The following GULP1 variants were observed in gnomAD, a reference collection of about 807,000 sequenced individuals.
GULP1 encodes the protein PTB domain-containing engulfment adapter protein 1.
Under a neutral mutation model 40.9 loss-of-function variants are expected in GULP1, and 19 were observed. The observed-to-expected ratio is 0.46, with a 90% CI of 0.32 to 0.68. The LOEUF (loss-of-function observed/expected upper bound fraction) is 0.68. Ranked by LOEUF, GULP1 falls within the 30% of genes least tolerant of loss-of-function variation. The pLI, the probability that GULP1 is intolerant of heterozygous loss-of-function variation, is 0.03. For synonymous variants in GULP1, 119 were observed against 117.6 expected, an observed-to-expected ratio of 1.01 and a Z score of -0.08; for missense variants, 312 against 362.2, an observed-to-expected ratio of 0.86 and a Z score of 1.12.
At chr2:188,528,315 A>G (rs1686694822) in intron 5 of GULP1, among the ~76,000 whole-genome samples, 1 of 152,124 alleles carries the variant, frequency 6.6e-6, no homozygotes, top group Non-Finnish European at 1.5e-5. Flanking sequence ...TTAATACTCA[A>G]GTTTAGCTGG....
intron 2 of GULP1, among the ~76,000 whole-genome samples, chr2:188,390,292 T>C (rs920130199): frequency 2.0e-5 from 3 of 152,198 alleles, no homozygotes; most frequent in East Asian, 1.9e-4. Context: ...TTATTGTCTT[T>C]TGACTTTTTA....
chr2:188,394,505 T>A (rs933550999), intron 2 of GULP1, among the ~76,000 whole-genome samples: 1 of 152,174 alleles, frequency 6.6e-6, no homozygotes, highest in Non-Finnish European at 1.5e-5. Context: ...TATCAACATT[T>A]TGAATTTTTT....
intron 1 of GULP1, among the ~76,000 whole-genome samples, chr2:188,332,315 G>A (rs1169675442): frequency 1.4e-5 from 2 of 147,248 alleles, no homozygotes; most frequent in South Asian, 2.2e-4. Context: ...TCAGCCTCCC[G>A]AGTAGCTGGG....
At chr2:188,466,232 T>C (rs574015972) in intron 2 of GULP1, among the ~76,000 whole-genome samples, 4 of 152,098 alleles carry the variant, frequency 2.6e-5, no homozygotes, top group Admixed American at 2.0e-4. Flanking sequence ...CATACTTCAT[T>C]TGGATACCAG....
intron 1 of GULP1, among the ~76,000 whole-genome samples, chr2:188,334,685 A>G (rs927061677): frequency 6.6e-6 from 1 of 152,250 alleles, no homozygotes; most frequent in Non-Finnish European, 1.5e-5. Context: ...CGACTATATC[A>G]AAATCCAAAT....
At chr2:188,459,685 G>A (rs2059547721) in intron 2 of GULP1, among the ~76,000 whole-genome samples, 1 of 152,082 alleles carries the variant, frequency 6.6e-6, no homozygotes, top group Admixed American at 6.6e-5. Flanking sequence ...TGGGTTGCCT[G>A]TACTTGTGGG....
chr2:188,420,876 A>G (rs1437541921), intron 2 of GULP1, among the ~76,000 whole-genome samples: 1 of 152,140 alleles, frequency 6.6e-6, no homozygotes, highest in Non-Finnish European at 1.5e-5. Context: ...CTCGGTTTTT[A>G]GGCTTTAGAT....
intron 2 of GULP1, among the ~76,000 whole-genome samples, chr2:188,412,278 A>G (rs2053994459): frequency 6.6e-6 from 1 of 152,078 alleles, no homozygotes; most frequent in Non-Finnish European, 1.5e-5. Context: ...TGAGAATAGC[A>G]AAAGGTTAAC....
At position 188,593,993 on chromosome 2, in the gene GULP1, G is replaced by A. The variant is rs759462867; in HGVS notation, c.897G>A (p.Pro299=). ...AAGGCACAGTATTTTGTCTCGACCC[G>A]TTAGACAGTAGGTGCTGACATCAAG... ...TLEGTVFCLD[P]LDSRC is the part of the protein sequence containing the mutation. Residue 299 remains proline (P), a synonymous_variant, in exon 12 of 12, where the codon CCG becomes CCA. Transcript: ENST00000409830. The A allele has an allele frequency of 4.5e-5, 72 of 1,592,842 alleles. No homozygotes were observed. The highest frequency in any genetic ancestry group is 6.6e-5 in the South Asian group (6 of 90,418).
At chr2:188,527,082 T>G (rs1373819602) in intron 5 of GULP1, among the ~76,000 whole-genome samples, 1 of 152,172 alleles carries the variant, frequency 6.6e-6, no homozygotes, top group Admixed American at 6.5e-5. Flanking sequence ...CACTCCCTTC[T>G]TACCTCTCCA....
At chr2:188,500,613 C>G (rs1300722850) in intron 4 of GULP1, among the ~76,000 whole-genome samples, 1 of 151,844 alleles carries the variant, frequency 6.6e-6, no homozygotes, top group Non-Finnish European at 1.5e-5. Context: ...AAATAAGTAC[C>G]AGTTTTCCAA....
intron 10 of GULP1, among the ~76,000 whole-genome samples, chr2:188,586,989 G>A (rs1010571075): frequency 6.6e-6 from 1 of 151,932 alleles, no homozygotes; most frequent in Non-Finnish European, 1.5e-5. Flanking sequence ...AGAATGTAAA[G>A]TTCTCTGCAA....
chr2:188,496,675 A>T (rs7587596), intron 4 of GULP1, among the ~76,000 whole-genome samples: 3 of 151,810 alleles, frequency 2.0e-5, no homozygotes, highest in Non-Finnish European at 4.4e-5. Flanking sequence ...AAGTTAAAGG[A>T]GTAAAACAGA....
intron 2 of GULP1, among the ~76,000 whole-genome samples, chr2:188,462,437 C>G (rs896810360): frequency 1.3e-5 from 2 of 152,106 alleles, no homozygotes; most frequent in Admixed American, 6.5e-5. Flanking sequence ...CCTATTAGCT[C>G]CATTTGGCCG....
intron 4 of GULP1, among the ~76,000 whole-genome samples, chr2:188,494,021 G>A (rs1371654012): frequency 2.0e-5 from 3 of 151,958 alleles, no homozygotes; most frequent in East Asian, 3.9e-4. Context: ...GCCAGTCTCT[G>A]GATAATGTGT....
At chr2:188,528,046 T>G (rs1256351623) in intron 5 of GULP1, among the ~76,000 whole-genome samples, 2 of 152,140 alleles carry the variant, frequency 1.3e-5, no homozygotes, top group Non-Finnish European at 2.9e-5. Flanking sequence ...GGGCAAGAAA[T>G]TCTTTCTTCT....
At chr2:188,365,426 A>G (rs1189123968) in intron 1 of GULP1, among the ~76,000 whole-genome samples, 2 of 152,194 alleles carry the variant, frequency 1.3e-5, no homozygotes, top group Admixed American at 6.5e-5. Flanking sequence ...TTTTGTGCCT[A>G]CTGGCTAATA....
intron 1 of GULP1, among the ~76,000 whole-genome samples, chr2:188,337,086 G>GTATCTATATCTATATCTATATCTA (rs71020747): frequency 6.9e-6 from 1 of 145,484 alleles, no homozygotes; most frequent in Non-Finnish European, 1.5e-5. Context: ...AAATATATCT[G>GTATCTATATCTATATCTATATCTA]TATCTATATC....
intron 4 of GULP1, among the ~76,000 whole-genome samples, chr2:188,514,347 T>C (rs1445694371): frequency 1.3e-5 from 2 of 152,328 alleles, no homozygotes; most frequent in African/African-American, 4.8e-5. Context: ...CTGTTGTTTA[T>C]ATCGGTTAGC....
Sources: gnomAD v4.1 joint callset for allele counts (sites outside exome capture counted in the v4.1 genomes callset) on GRCh38, gnomAD v4.1.1 for gene constraint, MANE v1.5 for transcripts, NCBI Gene and HGNC (gene_info 2026-07-23, HGNC 2026-07-21) for gene names.